CTXND1: variants seen among roughly 807,000 people sequenced by gnomAD.
CTXND1 encodes cortexin domain containing 1.
At chr15:80,220,661 C>T (rs1469060101) in intron 1 of CTXND1, among the ~76,000 whole-genome samples, 3 of 151,990 alleles carry the variant, frequency 2.0e-5, no homozygotes, top group African/African-American at 4.8e-5. Context: ...ATTGAGTCTT[C>T]CCATTTGTGA....
At chr15:80,205,773 G>A (rs1334603873) in intron 1 of CTXND1, among the ~76,000 whole-genome samples, 1 of 152,042 alleles carries the variant, frequency 6.6e-6, no homozygotes, top group Non-Finnish European at 1.5e-5. Context: ...CAGTTGAGGC[G>A]ATGGATTTGA....
intron 1 of CTXND1, among the ~76,000 whole-genome samples, chr15:80,211,544 CAG>C (rs949554825): frequency 3.3e-5 from 5 of 152,048 alleles, no homozygotes; most frequent in African/African-American, 4.8e-5. Context: ...ACAGGCCTGT[CAG>C]GGGGAGGTGA....
rs1176097466 is a variant in CTXND1, at chr15:80,200,272, G to A, written c.*1498C>T. The A allele has an allele frequency of 6.6e-6, 1 of 152,232 alleles. No individual in the cohort carries two copies. The highest frequency in any genetic ancestry group is 1.9e-4 in the East Asian group (1 of 5,204). 9.4% of individuals were successfully genotyped at this position (152,232 alleles called of 1,614,324 possible). The stretch of plus-strand genomic sequence containing the variant: ...TTCAAGAACATTCATGTTTGCCCAT[G>A]TTCTCTCATTTCGTCCTCACAACAA... On this transcript the variant is annotated 3_prime_UTR_variant, in exon 3 of 3. Transcript: ENST00000560778.
chr15:80,216,252 A>G (rs1427875139), intron 1 of CTXND1, among the ~76,000 whole-genome samples: 1 of 152,160 alleles, frequency 6.6e-6, no homozygotes, highest in Non-Finnish European at 1.5e-5. Flanking sequence ...GCAAAAGGGA[A>G]CACTTCCTAT....
In CTXND1 at chr15:80,241,759, G is replaced by A. The variant is rs559334571; in HGVS notation, c.-218+10248C>T. ...GGCGCACTGGCCCTTGGGGGAAACA[G>A]CTGCTCGTTGGCCTACCCTCCCTTC... is the stretch of plus-strand genomic sequence containing the variant. On this transcript the variant is annotated intron_variant, in intron 1 of 2. Coordinates refer to ENST00000560778, the MANE Select transcript of CTXND1 (RefSeq NM_001352888.2). Among the ~76,000 whole-genome samples, 19 of 152,328 alleles carry A rather than the reference G, an allele frequency of 1.2e-4. No individual in the cohort carries two copies. The East Asian group carries it at 3.7e-3, about 29-fold the overall frequency.
chr15:80,220,908 T>C (rs1567130993), intron 1 of CTXND1, among the ~76,000 whole-genome samples: 1 of 141,916 alleles, frequency 7.0e-6, no homozygotes, highest in East Asian at 2.0e-4. Flanking sequence ...TTATTATTAT[T>C]ATTATTTTTT....
At chr15:80,202,895 G>T (rs1258577111) in intron 2 of CTXND1, among the ~76,000 whole-genome samples, 2 of 152,222 alleles carry the variant, frequency 1.3e-5, no homozygotes, top group Non-Finnish European at 2.9e-5. Flanking sequence ...GGTCTGGACA[G>T]CTCTCAATTA....
At position 80,198,747 on chromosome 15, in the gene CTXND1, T is replaced by C. The variant is rs1189094981; in HGVS notation, c.*3023A>G. 6.6e-6 allele frequency: 1 copy of C among 152,232 alleles called. No individual in the cohort carries two copies. The highest frequency in any genetic ancestry group is 2.4e-5 in the African/African-American group (1 of 41,456). The allele number at this position is 152,232 out of a possible 1,614,324, so 9.4% of individuals were successfully genotyped here. On this transcript the variant is annotated 3_prime_UTR_variant, in exon 3 of 3. Transcript: ENST00000560778. The stretch of plus-strand genomic sequence containing the variant: ...AAGCAAGCTCCCCGGCTTCATCATA[T>C]CTATCTTGATCTTTCTTTTTTTGCT...
chr15:80,250,157 T>C (rs554358251), intron 1 of CTXND1, among the ~76,000 whole-genome samples: 22 of 152,368 alleles, frequency 1.4e-4, no homozygotes, highest in African/African-American at 2.6e-4. Context: ...GTCTGTGCTG[T>C]AATAGTGTGG....
intron 1 of CTXND1, among the ~76,000 whole-genome samples, chr15:80,236,288 A>G (rs781399212): frequency 1.3e-5 from 2 of 152,078 alleles, no homozygotes; most frequent in African/African-American, 4.8e-5. Flanking sequence ...ATCATGACAC[A>G]TGAAAATCAT....
At chr15:80,223,356 C>T (rs879609195) in intron 1 of CTXND1, among the ~76,000 whole-genome samples, 12 of 152,140 alleles carry the variant, frequency 7.9e-5, no homozygotes, top group Non-Finnish European at 1.5e-4. Flanking sequence ...CGCGCCCGGC[C>T]GAGATTTATT....
In CTXND1 at chr15:80,198,058, C is replaced by G. The variant is rs562109119; in HGVS notation, c.*3712G>C. ...TAGAGGCCACATTTCTTCTAGTGAC[C>G]ATCACTCTGAACTCTTGGTTCTGCA... is the stretch of plus-strand genomic sequence containing the variant. On this transcript the variant is annotated 3_prime_UTR_variant, in exon 3 of 3. Coordinates refer to ENST00000560778, the MANE Select transcript of CTXND1 (RefSeq NM_001352888.2). 2 of 152,304 alleles carry G rather than the reference C, an allele frequency of 1.3e-5. No individual in the cohort carries two copies. Among genetic ancestry groups the G allele is most frequent in the Admixed American group, 1.3e-4 (2 of 15,306 alleles). The allele number at this position is 152,304 out of a possible 1,614,324, so 9.4% of individuals were successfully genotyped here. A position where few individuals can be genotyped will look rare whatever the true frequency, so the allele number is the denominator to read the frequency against.
intron 1 of CTXND1, among the ~76,000 whole-genome samples, chr15:80,251,688 G>A (rs1298056389): frequency 1.3e-5 from 2 of 152,158 alleles, no homozygotes; most frequent in Non-Finnish European, 2.9e-5. Context: ...TCTGAGCCCC[G>A]AGCCCCGCAG....
intron 1 of CTXND1, among the ~76,000 whole-genome samples, 158 bp from the exon 2 acceptor site, chr15:80,203,898 C>G (rs1268539904): frequency 6.6e-6 from 1 of 151,720 alleles, no homozygotes; most frequent in African/African-American, 2.4e-5. Context: ...TAAAATATAA[C>G]AACTTTCAAG....
intron 1 of CTXND1, among the ~76,000 whole-genome samples, chr15:80,220,486 C>T (rs1893303442): frequency 6.6e-6 from 1 of 152,202 alleles, no homozygotes. Context: ...TTATATGCTA[C>T]TCCAACTTCT....
chr15:80,246,601 C>A (rs556216595), intron 1 of CTXND1, among the ~76,000 whole-genome samples: 5 of 150,866 alleles, frequency 3.3e-5, no homozygotes, highest in South Asian at 2.1e-4. Flanking sequence ...AGAAAGAGGG[C>A]ATTCATTTTT....
intron 1 of CTXND1, among the ~76,000 whole-genome samples, chr15:80,213,966 G>A (rs923594530): frequency 1.6e-5 from 1 of 64,026 alleles, no homozygotes; most frequent in African/African-American, 7.2e-5. Context: ...TAAATGAAGG[G>A]AGGAAAGGCA....
chr15:80,206,242 T>A (rs1893146247), intron 1 of CTXND1, among the ~76,000 whole-genome samples: 1 of 152,226 alleles, frequency 6.6e-6, no homozygotes, highest in South Asian at 2.1e-4. Flanking sequence ...GTTTACAGAT[T>A]TCTTAAAAGG....
intron 1 of CTXND1, among the ~76,000 whole-genome samples, chr15:80,227,354 A>C (rs1251056038): frequency 6.6e-6 from 1 of 152,184 alleles, no homozygotes; most frequent in Non-Finnish European, 1.5e-5. Flanking sequence ...TTCAGTTTAA[A>C]TAGTCATCCA....
Sources: gnomAD v4.1 joint callset for allele counts (sites outside exome capture counted in the v4.1 genomes callset) on GRCh38, gnomAD v4.1.1 for gene constraint, MANE v1.5 for transcripts, NCBI Gene and HGNC (gene_info 2026-07-23, HGNC 2026-07-21) for gene names.